Variants in STXBP4 observed in about 807,000 individuals in gnomAD.
The protein encoded by STXBP4 is syntaxin binding protein 4, also known as syntaxin-binding protein 4.
Under a neutral mutation model 76.1 loss-of-function variants are expected in STXBP4, and 55 were observed. The observed-to-expected ratio is 0.72, with a 90% confidence interval of 0.58 to 0.91. The LOEUF is 0.91. Among genes scored for constraint, STXBP4 ranks in the 40% least tolerant of loss-of-function variants. STXBP4 has a pLI of 0.00. For missense variants in STXBP4, 618 were observed against 636.9 expected (o/e 0.97, Z 0.32); for synonymous variants, 201 against 220.2 (o/e 0.91, Z 0.77).
chr17:55,108,186 C>T (rs777667389), intron 16 of STXBP4, among the ~76,000 whole-genome samples: 23 of 152,198 alleles, frequency 1.5e-4, no homozygotes, highest in Non-Finnish European at 2.8e-4. Flanking sequence ...GTTCGAACTT[C>T]CTGGCAGCTT....
chr17:54,970,320 T>G (rs745933735), intron 1 of STXBP4, among the ~76,000 whole-genome samples: 2 of 152,198 alleles, frequency 1.3e-5, no homozygotes, highest in Non-Finnish European at 2.9e-5. Flanking sequence ...TTGATTACTT[T>G]GTGGAGAATG....
intron 8 of STXBP4, among the ~76,000 whole-genome samples, chr17:55,020,919 ATTTACATATGTATGTTTC>A (rs1010361445): frequency 1.4e-4 from 22 of 152,296 alleles, no homozygotes; most frequent in African/African-American, 5.3e-4. Context: ...TCTGGAAAAG[ATTTACATATGTATGTTTC>A]TTAGACATCA....
chr17:55,007,517 G>T lies in STXBP4; in HGVS notation c.586G>T (p.Ala196Ser), dbSNP rs1003073056. 1 of 1,610,760 alleles carries T rather than the reference G, an allele frequency of 6.2e-7. No individual in the cohort carries two copies. ...CTGTTGTCTCTTAGATGTTGCTTCT[G>T]CCTGGACTGAAAATTATGGGCTACA... ...VGLSNTDVAS[A>S]WTENYGLQEK... The change falls in exon 8 of 18, where the codon GCC becomes TCC. Residue 196 changes from alanine (A) to serine (S), a missense_variant. Transcript: ENST00000376352.
At chr17:54,979,428 A>G (rs1007834552) in intron 1 of STXBP4, among the ~76,000 whole-genome samples, 1 of 152,200 alleles carries the variant, frequency 6.6e-6, no homozygotes, top group Non-Finnish European at 1.5e-5. Context: ...TGTGAACCCA[A>G]GAAAGCAATT....
chr17:55,120,013 A>G (rs2079826158), intron 16 of STXBP4, among the ~76,000 whole-genome samples: 1 of 152,118 alleles, frequency 6.6e-6, no homozygotes, highest in African/African-American at 2.4e-5. Flanking sequence ...TTATAATCCC[A>G]CCTTTATTGT....
intron 16 of STXBP4, among the ~76,000 whole-genome samples, chr17:55,103,971 T>A (rs2079597854): frequency 6.6e-6 from 1 of 152,238 alleles, no homozygotes; most frequent in Non-Finnish European, 1.5e-5. Context: ...TTTTGCACAT[T>A]GATTTTGTAT....
chr17:55,153,518 C>T (rs1178253776), intron 17 of STXBP4, among the ~76,000 whole-genome samples: 1 of 151,994 alleles, frequency 6.6e-6, no homozygotes, highest in Non-Finnish European at 1.5e-5. Context: ...GTCATTTTAA[C>T]TCTGATAGAT....
chr17:55,180,937 C>T, the STXBP4 span, among the ~76,000 whole-genome samples: 1 of 152,172 alleles, frequency 6.6e-6, no homozygotes, highest in Non-Finnish European at 1.5e-5. Flanking sequence ...AAGACTTCAT[C>T]CTACATCATG....
intron 16 of STXBP4, among the ~76,000 whole-genome samples, chr17:55,094,907 A>G (rs2144986629): frequency 6.6e-6 from 1 of 152,324 alleles, no homozygotes; most frequent in East Asian, 1.9e-4. Context: ...GTGTGAATCA[A>G]TCCCAAAGCT....
chr17:55,113,353 A>T (rs1050332307), intron 16 of STXBP4, among the ~76,000 whole-genome samples: 1 of 152,088 alleles, frequency 6.6e-6, no homozygotes, highest in Non-Finnish European at 1.5e-5. Flanking sequence ...ATCATGTTGT[A>T]CACTTTAAAT....
intron 8 of STXBP4, among the ~76,000 whole-genome samples, chr17:55,027,242 C>T (rs1194915277): frequency 6.6e-6 from 1 of 152,164 alleles, no homozygotes; most frequent in Non-Finnish European, 1.5e-5. Flanking sequence ...ACTTGCCTGA[C>T]CTAGCTCCCC....
rs2080413789 is a variant in STXBP4, at chr17:55,172,737, G to A, written c.*12826G>A. On this transcript the variant is annotated 3_prime_UTR_variant, in exon 18 of 18. Coordinates refer to ENST00000376352, the MANE Select transcript of STXBP4 (RefSeq NM_178509.6). ...TGAGAAAAAACTAAGGCTCGGATGA[G>A]TTATGTGACTTCCCTGAGTCATGTT... 1 of 152,212 alleles carries A rather than the reference G, an allele frequency of 6.6e-6. No individual in the cohort carries two copies. The highest frequency in any genetic ancestry group is 2.1e-4 in the South Asian group (1 of 4,832). 9.4% of individuals were successfully genotyped at this position (152,212 alleles called of 1,614,324 possible).
intron 4 of STXBP4, among the ~76,000 whole-genome samples, chr17:54,997,254 G>A (rs1244480017): frequency 6.6e-6 from 1 of 151,908 alleles, no homozygotes; most frequent in African/African-American, 2.4e-5. Flanking sequence ...AGGAGGCAAA[G>A]AAAAAAACTA....
rs1005399741 is a variant in STXBP4, at chr17:55,171,814, C to G, written c.*11903C>G. 2.0e-5 allele frequency: 3 copies of G among 152,254 alleles called. No individual in the cohort carries two copies. The highest frequency in any genetic ancestry group is 4.8e-5 in the African/African-American group (2 of 41,454). 9.4% of individuals were successfully genotyped at this position (152,254 alleles called of 1,614,324 possible). On this transcript the variant is annotated 3_prime_UTR_variant, in exon 18 of 18. Transcript: ENST00000376352. ...GGCCTTCAGAGGGAGCGGTGCCCAG[C>G]TGACACCTTGACCTTGGACTTCTAG...
chr17:55,200,751 AC>A, the STXBP4 span, among the ~76,000 whole-genome samples: 1 of 152,238 alleles, frequency 6.6e-6, no homozygotes, highest in Admixed American at 6.5e-5. Context: ...GGAGAAATAT[AC>A]TTTGATTTCC....
At chr17:55,019,464 C>A (rs1028500252) in intron 8 of STXBP4, among the ~76,000 whole-genome samples, 1 of 152,076 alleles carries the variant, frequency 6.6e-6, no homozygotes, top group East Asian at 1.9e-4. Flanking sequence ...AATTTGTATA[C>A]CTGTAATTGT....
At chr17:55,153,926 A>G (rs1024410846) in intron 17 of STXBP4, among the ~76,000 whole-genome samples, 12 of 152,218 alleles carry the variant, frequency 7.9e-5, no homozygotes, top group African/African-American at 2.9e-4. Context: ...CTTTTAGTTT[A>G]TAGAAGTTGT....
chr17:55,171,732 A>G lies in STXBP4; in HGVS notation c.*11821A>G, dbSNP rs2080407524. On this transcript the variant is annotated 3_prime_UTR_variant, in exon 18 of 18. Coordinates refer to ENST00000376352, the MANE Select transcript of STXBP4 (RefSeq NM_178509.6). ...CACTGTTGCCATAAGCCAGGGAACT[A>G]CCTAGGAGATGCTAGGAGAGAGGCC... The G allele has an allele frequency of 6.6e-6, 1 of 152,188 alleles. No individual in the cohort carries two copies. The highest frequency in any genetic ancestry group is 2.4e-5 in the African/African-American group (1 of 41,432). The allele number at this position is 152,188 out of a possible 1,614,324, so 9.4% of individuals were successfully genotyped here.
chr17:54,983,343 A>G (rs1341393153), intron 1 of STXBP4, among the ~76,000 whole-genome samples: 1 of 152,218 alleles, frequency 6.6e-6, no homozygotes, highest in Non-Finnish European at 1.5e-5. Flanking sequence ...TATGGAATCT[A>G]TTGTAGAGTA....
Sources: gnomAD v4.1 joint callset for allele counts (sites outside exome capture counted in the v4.1 genomes callset) on GRCh38, gnomAD v4.1.1 for gene constraint, MANE v1.5 for transcripts, NCBI Gene and HGNC (gene_info 2026-07-23, HGNC 2026-07-21) for gene names.